Variants in ENTPD6 observed in about 807,000 individuals in gnomAD.
ENTPD6 encodes the protein ectonucleoside triphosphate diphosphohydrolase 6, also known as CD39 antigen-like 2.
A neutral mutation model predicts 61.5 loss-of-function variants in ENTPD6; 46 were observed. That is an observed-to-expected ratio of 0.75 (90% CI 0.59 to 0.96). The LOEUF is 0.96. Ranked by LOEUF, ENTPD6 falls within the 40% of genes least tolerant of loss-of-function variation. The probability of loss-of-function intolerance (pLI) is 0.00; values close to 1 mark genes in which losing one functional copy is unlikely to be tolerated. For missense variants in ENTPD6, 612 were observed against 629.0 expected, an observed-to-expected ratio of 0.97 and a Z score of 0.29; for synonymous variants, 252 against 255.5, an observed-to-expected ratio of 0.99 and a Z score of 0.13.
intron 13 of ENTPD6, 100 bp from the exon 14 acceptor site, chr20:25,225,105 C>G: frequency 7.3e-6 from 11 of 1,499,916 alleles, no homozygotes; most frequent in Non-Finnish European, 9.8e-6. Context: ...GAGTGCGGAG[C>G]CAGCGGGTGC....
Position 25,206,565 on chromosome 20 carries a change from C to G in ENTPD6, c.29C>G (p.Ser10Cys). 6.2e-7 allele frequency: 1 copy of G among 1,613,780 alleles called. No homozygotes were observed. Among genetic ancestry groups the G allele is most frequent in the Non-Finnish European group, 8.5e-7 (1 of 1,179,664 alleles). MKKGIRYET[S>C]RKTSYIFQQP... ...AAAAAAGGTATCCGTTATGAAACTT[C>G]CAGAAAAACGAGCTACATTTTTCAG... The change falls in exon 2 of 15, where the codon TCC (serine) becomes TGC (cysteine). Residue 10 changes from serine to cysteine, a missense_variant. Ser to Cys is a moderately radical substitution (Grantham distance 112). Coordinates refer to ENST00000376652, the MANE Select transcript of ENTPD6 (RefSeq NM_001247.5).
rs2123378241 is a variant in ENTPD6, at chr20:25,224,134, A to G, written c.1220A>G (p.Asp407Gly). ...AEKGGSLVVG[D>G]FEIAAKYVCR... is the part of the protein sequence containing the mutation. ...AAGGGAGGCAGCCTGGTGGTGGGGG[A>G]CTTCGAGATCGCAGCCAAGTACGGT... Residue 407 changes from aspartate to glycine, a missense_variant, in exon 13 of 15, where the codon GAC becomes GGC. Asp to Gly is a moderately conservative substitution (Grantham distance 94, BLOSUM62 -1). Transcript: ENST00000376652. 1.2e-6 allele frequency: 2 copies of G among 1,612,074 alleles called. No individual in the cohort carries two copies. Among genetic ancestry groups the G allele is most frequent in the South Asian group, 1.1e-5 (1 of 90,718 alleles).
At position 25,222,976 on chromosome 20, in the gene ENTPD6, T is replaced by C. The variant is rs140279087; in HGVS notation, c.1184T>C (p.Ile395Thr). 2.9e-3 allele frequency: 4,608 copies of C among 1,610,046 alleles called. 7 individuals are homozygous for C. Among genetic ancestry groups the C allele is most frequent in the Non-Finnish European group, 3.7e-3 (4,305 of 1,178,758 alleles). ...GACCTTGCAGCTGGTGTGGGCCTCA[T>C]AGGTAAGGGGGCCCGGATGGGCTGA... ...YYDLAAGVGL[I>T]DAEKGGSLVV... Residue 395 changes from isoleucine to threonine, a missense_variant and splice_region_variant, in exon 12 of 15, where the codon ATA (isoleucine) becomes ACA (threonine). Ile to Thr is a moderately conservative substitution (Grantham distance 89). Coordinates refer to ENST00000376652, the MANE Select transcript of ENTPD6 (RefSeq NM_001247.5).
In ENTPD6 at chr20:25,195,807, C is replaced by T; in HGVS notation, c.-76C>T. 8.1e-7 allele frequency: 1 copy of T among 1,236,006 alleles called. No homozygotes were observed. The allele number at this position is 1,236,006 out of a possible 1,614,324, so 76.6% of individuals were successfully genotyped here. On this transcript the variant is annotated 5_prime_UTR_variant, in exon 1 of 15. Coordinates refer to ENST00000376652, the MANE Select transcript of ENTPD6 (RefSeq NM_001247.5). ...GCGGGGGAGCCCAAAAGACCGGCTGCCGCCTGCTCCCCGGAAAAGGGCACT... is the reference window on the plus strand; with the variant it reads ...GCGGGGGAGCCCAAAAGACCGGCTGTCGCCTGCTCCCCGGAAAAGGGCACT...
At chr20:25,218,875 A>G (rs899589470) in intron 10 of ENTPD6, among the ~76,000 whole-genome samples, 15 of 152,116 alleles carry the variant, frequency 9.9e-5, no homozygotes, top group Non-Finnish European at 1.6e-4. Flanking sequence ...CCACCTTCCA[A>G]GGTATTTCTT....
chr20:25,195,933 C>A (rs796593488), intron 1 of ENTPD6, 66 bp downstream of exon 1: 36 of 1,167,406 alleles, frequency 3.1e-5, no homozygotes, highest in Admixed American at 1.7e-4. Flanking sequence ...GGGCCTCCCC[C>A]ACGCGGGCGC....
At chr20:25,209,783 C>A in intron 3 of ENTPD6, 66 bp from the exon 4 acceptor site, 1 of 1,384,510 alleles carries the variant, frequency 7.2e-7, no homozygotes, top group South Asian at 1.2e-5. Flanking sequence ...TGTGGCTAGT[C>A]ATGATTGTAT....
At position 25,221,215 on chromosome 20, in the gene ENTPD6, T is replaced by C. The variant is rs1351531531; in HGVS notation, c.944-17T>C. 3 of 1,600,932 alleles carry C rather than the reference T, an allele frequency of 1.9e-6. No homozygotes were observed. The Admixed American group carries it at 5.0e-5, about 27-fold the overall frequency. ...GATATACCTTCCTTTCTCTTTCCTTTTTAATCTCTGTTTCAGCTAAGGATG... is the reference window on the plus strand; with the variant it reads ...GATATACCTTCCTTTCTCTTTCCTTCTTAATCTCTGTTTCAGCTAAGGATG... On this transcript the variant is annotated splice_polypyrimidine_tract_variant and intron_variant, in intron 10 of 14. Transcript: ENST00000376652.
intron 5 of ENTPD6, 40 bp downstream of exon 5, chr20:25,213,446 A>G (rs2092114838): frequency 6.5e-7 from 1 of 1,542,954 alleles, no homozygotes; most frequent in South Asian, 1.2e-5. Context: ...GCCAGCCCTC[A>G]GGGGCAACTG....
intron 12 of ENTPD6, among the ~76,000 whole-genome samples, chr20:25,223,453 C>A (rs550333768): frequency 1.3e-5 from 2 of 152,274 alleles, no homozygotes; most frequent in East Asian, 3.9e-4. Context: ...GGTGGTCAGG[C>A]TGTGTGGGAA....
chr20:25,221,471 A>G (rs1485831392), intron 11 of ENTPD6, 138 bp downstream of exon 11: 1 of 736,016 alleles, frequency 1.4e-6, no homozygotes, highest in South Asian at 1.5e-5. Context: ...CCTGCCCTGG[A>G]AGTGAAGGTG....
chr20:25,215,802 G>C (rs2092280623), intron 7 of ENTPD6, 91 bp downstream of exon 7: 7 of 1,351,336 alleles, frequency 5.2e-6, no homozygotes, highest in Non-Finnish European at 6.4e-6. Flanking sequence ...CCTCATTTCT[G>C]CTCTTTAAGA....
chr20:25,205,420 G>T (rs1469435367), intron 1 of ENTPD6, among the ~76,000 whole-genome samples: 1 of 152,178 alleles, frequency 6.6e-6, no homozygotes, highest in Non-Finnish European at 1.5e-5. Context: ...CTGAGGCAGG[G>T]AGAGGCTGAG....
chr20:25,215,757 G>A (rs1261001424), intron 7 of ENTPD6, 46 bp downstream of exon 7: 8 of 1,600,706 alleles, frequency 5.0e-6, no homozygotes, highest in East Asian at 4.5e-5. Flanking sequence ...ACAGACACCT[G>A]CGGAGGGCTC....
intron 1 of ENTPD6, among the ~76,000 whole-genome samples, chr20:25,200,345 A>G (rs2090933005): frequency 6.7e-6 from 1 of 148,936 alleles, no homozygotes; most frequent in Non-Finnish European, 1.5e-5. Flanking sequence ...CAGATGTACT[A>G]TTTACCTGTT....
chr20:25,196,165 G>C, intron 1 of ENTPD6: 1 of 1,212,742 alleles, frequency 8.2e-7, no homozygotes, highest in Non-Finnish European at 1.0e-6. Flanking sequence ...CCGCTTTTGC[G>C]GACCCGCCCC....
intron 9 of ENTPD6, 125 bp from the exon 10 acceptor site, chr20:25,218,425 G>T: frequency 1.2e-6 from 1 of 806,630 alleles, no homozygotes; most frequent in South Asian, 1.5e-5. Flanking sequence ...AGAAGGAGCA[G>T]AGAAGCTCAC....
At chr20:25,197,208 G>A (rs1385163422) in intron 1 of ENTPD6, 9 of 985,456 alleles carry the variant, frequency 9.1e-6, no homozygotes, top group African/African-American at 1.7e-5. Context: ...ACATCAGATG[G>A]CCCCTGTATT....
intron 1 of ENTPD6, among the ~76,000 whole-genome samples, chr20:25,198,193 G>C (rs1038091223): frequency 2.0e-5 from 3 of 152,136 alleles, no homozygotes; most frequent in African/African-American, 7.2e-5. Flanking sequence ...ATTTGATTAT[G>C]GGCCAGGTGC....
Sources: gnomAD v4.1 joint callset for allele counts (sites outside exome capture counted in the v4.1 genomes callset) on GRCh38, gnomAD v4.1.1 for gene constraint, MANE v1.5 for transcripts, NCBI Gene and HGNC (gene_info 2026-07-23, HGNC 2026-07-21) for gene names.